Variants in SPOCK1 observed in about 807,000 individuals in gnomAD.
The protein encoded by SPOCK1 is testican-1.
Under a neutral mutation model 55.3 loss-of-function variants are expected in SPOCK1, and 23 were observed. That is an observed-to-expected ratio of 0.42 (90% CI 0.30 to 0.59). The LOEUF (loss-of-function observed/expected upper bound fraction) is 0.59, where lower values mean the gene tolerates loss of function less well. Ranked by LOEUF, SPOCK1 falls within the 20% of genes least tolerant of loss-of-function variation. The pLI is 0.22. For missense variants in SPOCK1, 499 were observed against 552.5 expected (o/e 0.90, Z 0.97); for synonymous variants, 226 against 221.0 (o/e 1.02, Z -0.20).
At chr5:137,432,224 T>A (rs185876577) in intron 2 of SPOCK1, among the ~76,000 whole-genome samples, 4 of 152,226 alleles carry the variant, frequency 2.6e-5, no homozygotes, top group Admixed American at 6.5e-5. Flanking sequence ...AACATAGAAT[T>A]ACCATATAAC....
chr5:137,401,606 A>T (rs923226297), intron 2 of SPOCK1, among the ~76,000 whole-genome samples: 3 of 150,886 alleles, frequency 2.0e-5, no homozygotes. Flanking sequence ...TTCACTGGGC[A>T]CGGTGGCACA....
chr5:137,133,648 A>G (rs984285933), intron 4 of SPOCK1, among the ~76,000 whole-genome samples: 1 of 152,150 alleles, frequency 6.6e-6, no homozygotes, highest in African/African-American at 2.4e-5. Flanking sequence ...GGCTCCACAA[A>G]CAGCTAGGTC....
chr5:136,983,961 G>A (rs1268575952), intron 9 of SPOCK1, among the ~76,000 whole-genome samples: 1 of 152,158 alleles, frequency 6.6e-6, no homozygotes, highest in African/African-American at 2.4e-5. Context: ...TTAATAAACA[G>A]CAATGTACTA....
chr5:137,215,230 C>T (rs1479974850), intron 3 of SPOCK1, among the ~76,000 whole-genome samples: 1 of 152,162 alleles, frequency 6.6e-6, no homozygotes, highest in Non-Finnish European at 1.5e-5. Context: ...TATATTCCTT[C>T]CAAATTAATG....
intron 2 of SPOCK1, among the ~76,000 whole-genome samples, chr5:137,487,856 A>G (rs1000107460): frequency 6.6e-6 from 1 of 152,326 alleles, no homozygotes; most frequent in African/African-American, 2.4e-5. Context: ...ATGTTGAGTC[A>G]CACATTGGAA....
At chr5:137,423,397 G>A (rs1046846214) in intron 2 of SPOCK1, among the ~76,000 whole-genome samples, 2 of 152,226 alleles carry the variant, frequency 1.3e-5, no homozygotes, top group African/African-American at 4.8e-5. Context: ...GTCTACAGAG[G>A]CAGGCAGGCC....
rs139518716 is a variant in SPOCK1 at position 137,232,102 on chromosome 5, C to T, written c.232+34908G>A. ...TTCTTTACATATTCTCAACACTTGC[C>T]ACCTGTAAGATATGTGATTTGCAAA... On this transcript the variant is annotated intron_variant, in intron 3 of 10. Transcript: ENST00000394945. 5.4e-3 allele frequency among the ~76,000 whole-genome samples: 815 copies of T among 152,186 alleles called. 9 individuals carry two copies. Among genetic ancestry groups the T allele is most frequent in the African/African-American group, 0.019 (769 of 41,494 alleles).
chr5:137,132,264 G>A (rs1436125072), intron 4 of SPOCK1, among the ~76,000 whole-genome samples: 2 of 151,482 alleles, frequency 1.3e-5, no homozygotes, highest in Non-Finnish European at 2.9e-5. Flanking sequence ...AATTGCAGGG[G>A]GGCTCAGGTT....
chr5:137,316,441 T>C lies in SPOCK1; in HGVS notation c.187-49386A>G, dbSNP rs527561999. On this transcript the variant is annotated intron_variant, in intron 2 of 10. Transcript: ENST00000394945. ...CAGCTATGATGTGAGCCCTCCCTCC[T>C]GGTCCTTGATATCATGTGATTCAAG... 5.3e-5 allele frequency among the ~76,000 whole-genome samples: 8 copies of C among 152,324 alleles called. No individual in the cohort carries two copies. The East Asian group carries it at 1.2e-3, about 22-fold the overall frequency.
intron 3 of SPOCK1, among the ~76,000 whole-genome samples, chr5:137,207,662 CA>C (rs758477888): frequency 4.6e-5 from 7 of 152,020 alleles, no homozygotes; most frequent in Non-Finnish European, 1.0e-4. Context: ...GGACAAAAGA[CA>C]GGGGTCAGGA....
intron 2 of SPOCK1, among the ~76,000 whole-genome samples, chr5:137,463,526 TG>T (rs200180241): frequency 1.6e-4 from 2 of 12,456 alleles, no homozygotes; most frequent in Admixed American, 1.1e-3. Context: ...GCAAGGGTAG[TG>T]GGGGGGTGTT....
At chr5:137,170,587 TTC>T (rs56347412) in intron 3 of SPOCK1, among the ~76,000 whole-genome samples, 25,057 of 142,238 alleles carry the variant, frequency 0.18, 2,250 homozygotes, top group Middle Eastern at 0.25. Flanking sequence ...AGCCTGTTAT[TTC>T]TCTCTCTCTC....
At chr5:137,115,741 G>C (rs554319349) in intron 4 of SPOCK1, among the ~76,000 whole-genome samples, 1 of 152,260 alleles carries the variant, frequency 6.6e-6, no homozygotes, top group African/African-American at 2.4e-5. Context: ...AGTGGAGATA[G>C]CACATGATTC....
intron 3 of SPOCK1, among the ~76,000 whole-genome samples, chr5:137,217,025 T>G (rs1422619800): frequency 6.6e-6 from 1 of 151,858 alleles, no homozygotes; most frequent in Non-Finnish European, 1.5e-5. Context: ...AAGGCCTAGG[T>G]TGGGAGAAGG....
intron 6 of SPOCK1, among the ~76,000 whole-genome samples, chr5:136,995,421 C>T (rs1751021998): frequency 6.6e-6 from 1 of 152,216 alleles, no homozygotes; most frequent in Non-Finnish European, 1.5e-5. Context: ...TCCCAACACA[C>T]TTATTGGATC....
At chr5:137,125,191 T>C (rs1233268234) in intron 4 of SPOCK1, among the ~76,000 whole-genome samples, 1 of 152,226 alleles carries the variant, frequency 6.6e-6, no homozygotes, top group African/African-American at 2.4e-5. Context: ...TTGATTTAAC[T>C]GATTCATTCA....
intron 3 of SPOCK1, among the ~76,000 whole-genome samples, chr5:137,192,244 A>G (rs527765544): frequency 2.6e-4 from 40 of 151,336 alleles, no homozygotes; most frequent in African/African-American, 8.0e-4. Context: ...AAAAAAAAAA[A>G]AAAAAAAAAA....
intron 4 of SPOCK1, among the ~76,000 whole-genome samples, chr5:137,113,745 G>A (rs888864605): frequency 6.6e-6 from 1 of 152,096 alleles, no homozygotes; most frequent in African/African-American, 2.4e-5. Flanking sequence ...CCACAGGTGG[G>A]GGTATGGAGG....
chr5:137,474,936 G>A (rs1753807349), intron 2 of SPOCK1, among the ~76,000 whole-genome samples: 1 of 152,176 alleles, frequency 6.6e-6, no homozygotes, highest in Admixed American at 6.5e-5. Context: ...GCATGCTAAA[G>A]TATTTGGGTA....
Sources: allele counts gnomAD v4.1 joint callset (sites outside exome capture counted in the v4.1 genomes callset), GRCh38; gene constraint gnomAD v4.1.1; transcripts MANE v1.5; gene names NCBI Gene and HGNC (gene_info 2026-07-23, HGNC 2026-07-21).